Variants in MYCBP2 observed in about 807,000 individuals in gnomAD.
MYCBP2 encodes E3 ubiquitin-protein ligase MYCBP2.
MYCBP2 carries 120 observed loss-of-function variants against 525.3 expected under a neutral mutation model. The observed-to-expected ratio is 0.23, with a 90% CI of 0.20 to 0.27. The LOEUF (loss-of-function observed/expected upper bound fraction) is 0.27, where lower values mean the gene tolerates loss of function less well. Ranked by LOEUF, MYCBP2 falls within the 10% of genes least tolerant of loss-of-function variation. The pLI, the probability that MYCBP2 is intolerant of heterozygous loss-of-function variation, is 1.00. For synonymous variants in MYCBP2, 1,894 were observed against 1,955.8 expected, an observed-to-expected ratio of 0.97 and a Z score of 0.83; for missense variants, 4,149 against 5,657.1, an observed-to-expected ratio of 0.73 and a Z score of 8.55.
chr13:77,212,533 T>C (rs556415376), intron 21 of MYCBP2, among the ~76,000 whole-genome samples: 1 of 152,340 alleles, frequency 6.6e-6, no homozygotes, highest in South Asian at 2.1e-4. Context: ...AAAGTCACTT[T>C]GACATAGTAA....
intron 53 of MYCBP2, 56 bp downstream of exon 53, chr13:77,126,262 T>A (rs1479207976): frequency 2.1e-6 from 3 of 1,460,076 alleles, no homozygotes; most frequent in African/African-American, 1.4e-5. Context: ...GATGCTTTGG[T>A]TGTATTACAT....
At chr13:77,074,033 T>C (rs1465386033) in intron 68 of MYCBP2, among the ~76,000 whole-genome samples, 1 of 118,606 alleles carries the variant, frequency 8.4e-6, no homozygotes, top group African/African-American at 3.1e-5. Context: ...AAAGAAACGG[T>C]CAAGCTGATT....
intron 46 of MYCBP2, among the ~76,000 whole-genome samples, chr13:77,153,684 A>C (rs1322467758): frequency 6.6e-6 from 1 of 152,152 alleles, no homozygotes; most frequent in Non-Finnish European, 1.5e-5. Context: ...GTTACTTAAA[A>C]AAAAAGTTAT....
chr13:77,065,328 T>TC (rs1566351371), intron 72 of MYCBP2, among the ~76,000 whole-genome samples: 1 of 152,132 alleles, frequency 6.6e-6, no homozygotes, highest in African/African-American at 2.4e-5. Flanking sequence ...ACTTCATCTT[T>TC]CCCCCAGAAA....
chr13:77,268,818 T>C (rs2074457039), intron 7 of MYCBP2, among the ~76,000 whole-genome samples: 1 of 151,748 alleles, frequency 6.6e-6, no homozygotes, highest in Non-Finnish European at 1.5e-5. Context: ...TTCTCCCCAA[T>C]AGGTGATACA....
At chr13:77,238,570 A>T (rs1453853292) in intron 17 of MYCBP2, among the ~76,000 whole-genome samples, 1 of 152,292 alleles carries the variant, frequency 6.6e-6, no homozygotes, top group East Asian at 1.9e-4. Flanking sequence ...AATATAATCT[A>T]AAAAAGACAA....
At chr13:77,128,057 A>G (rs1004833814) in intron 52 of MYCBP2, among the ~76,000 whole-genome samples, 2 of 151,904 alleles carry the variant, frequency 1.3e-5, no homozygotes, top group African/African-American at 4.8e-5. Context: ...TTTACAACCG[A>G]AAATAAATGT....
At chr13:77,185,070 A>G (rs750307897) in intron 32 of MYCBP2, 33 bp downstream of exon 32, 5 of 1,594,344 alleles carry the variant, frequency 3.1e-6, no homozygotes. Flanking sequence ...AATATATCAG[A>G]TTTTCAACTA....
At chr13:77,240,395 G>A (rs1212477084) in intron 17 of MYCBP2, among the ~76,000 whole-genome samples, 4 of 152,088 alleles carry the variant, frequency 2.6e-5, no homozygotes, top group African/African-American at 4.8e-5. Flanking sequence ...ATCATTTGAC[G>A]TCAGGAGTTT....
intron 3 of MYCBP2, among the ~76,000 whole-genome samples, chr13:77,286,349 G>A (rs1338443558): frequency 3.3e-5 from 5 of 152,020 alleles, no homozygotes; most frequent in African/African-American, 4.8e-5. Context: ...GAATAGCTCT[G>A]TTTAGAAAAA....
intron 11 of MYCBP2, among the ~76,000 whole-genome samples, 157 bp from the exon 12 acceptor site, chr13:77,261,532 A>G (rs948819651): frequency 4.6e-5 from 7 of 152,106 alleles, no homozygotes; most frequent in Admixed American, 3.9e-4. Flanking sequence ...GGAGTTGAGC[A>G]AGAAATACAC....
Position 77,081,735 on chromosome 13 carries a change from T to C in MYCBP2, c.11194-84A>G, listed in dbSNP as rs1228309332. ...AAACAAACAGGTATAAGATAAAACA[T>C]AATGGAAGACAGGATCAAATTGATT... On this transcript the variant is annotated intron_variant, in intron 64 of 82. Coordinates refer to ENST00000544440, the MANE Select transcript of MYCBP2 (RefSeq NM_015057.5). The surrounding 1 kb of genome is among the most constrained non-coding windows in gnomAD (Gnocchi z 4.6). The C allele has an allele frequency of 2.0e-6, 3 of 1,532,520 alleles. No homozygotes were observed. The highest frequency in any genetic ancestry group is 1.8e-6 in the Non-Finnish European group (2 of 1,135,576). 94.9% of individuals were successfully genotyped at this position (1,532,520 alleles called of 1,614,324 possible).
chr13:77,176,296 T>G (rs1372606287), intron 36 of MYCBP2, among the ~76,000 whole-genome samples: 1 of 152,158 alleles, frequency 6.6e-6, no homozygotes, highest in African/African-American at 2.4e-5. Flanking sequence ...CTCCTGACTT[T>G]AAGAAACATT....
intron 13 of MYCBP2, among the ~76,000 whole-genome samples, chr13:77,259,477 A>G (rs2072862019): frequency 6.6e-6 from 1 of 152,212 alleles, no homozygotes; most frequent in Non-Finnish European, 1.5e-5. Context: ...AGCTCTACCC[A>G]GTGGATGTTA....
chr13:77,222,858 T>C lies in MYCBP2; in HGVS notation c.2939+1593A>G, dbSNP rs146037336. On this transcript the variant is annotated intron_variant, in intron 20 of 82. Coordinates refer to ENST00000544440, the MANE Select transcript of MYCBP2 (RefSeq NM_015057.5). ...AACCTTGAATTTTATTTAATGACTA[T>C]GTGAAGGTAAGTTCTCTTTCTTTCA... Among the ~76,000 whole-genome samples the C allele has an allele frequency of 3.7e-3, 566 of 152,306 alleles. 2 individuals are homozygous for C. The highest frequency in any genetic ancestry group is 6.2e-3 in the Non-Finnish European group (422 of 68,034).
chr13:77,237,395 G>C (rs955717934), intron 17 of MYCBP2, among the ~76,000 whole-genome samples: 1 of 151,938 alleles, frequency 6.6e-6, no homozygotes, highest in Non-Finnish European at 1.5e-5. Context: ...TAAGATATTA[G>C]ACTATTAACA....
intron 26 of MYCBP2, among the ~76,000 whole-genome samples, chr13:77,198,945 T>C (rs2062078249): frequency 6.6e-6 from 1 of 152,232 alleles, no homozygotes; most frequent in African/African-American, 2.4e-5. Context: ...GGTAAATTGT[T>C]GAAAATAATT....
At chr13:77,059,413 A>G in intron 77 of MYCBP2, 110 bp downstream of exon 77, 1 of 802,708 alleles carries the variant, frequency 1.2e-6, no homozygotes, top group Non-Finnish European at 2.1e-6. Context: ...TAGGTAATAC[A>G]CTCATTTAGG....
intron 26 of MYCBP2, among the ~76,000 whole-genome samples, chr13:77,201,608 C>T (rs546336515): frequency 7.6e-4 from 114 of 150,808 alleles, no homozygotes; most frequent in African/African-American, 2.7e-3. Flanking sequence ...CAGCACCACA[C>T]CACACCTATT....
Sources: gnomAD v4.1 joint callset for allele counts (sites outside exome capture counted in the v4.1 genomes callset) on GRCh38, gnomAD v4.1.1 for gene constraint, Gnocchi (gnomAD v3.1) non-coding constraint, MANE v1.5 for transcripts, NCBI Gene and HGNC (gene_info 2026-07-23, HGNC 2026-07-21) for gene names.